Variants in SPATA13 observed in about 807,000 individuals in gnomAD.
SPATA13 encodes spermatogenesis associated 13.
SPATA13 carries 50 observed loss-of-function variants against 104.0 expected under a neutral mutation model. That is an observed-to-expected ratio of 0.48 (90% CI 0.38 to 0.61). SPATA13 has a LOEUF of 0.61. Ranked by LOEUF, SPATA13 falls within the 20% of genes least tolerant of loss-of-function variation. The pLI is 0.00. For missense variants in SPATA13, 1,524 were observed against 1,690.6 expected (o/e 0.90, Z 1.73); for synonymous variants, 606 against 667.5 (o/e 0.91, Z 1.42).
At chr13:24,137,460 T>C (rs1325616625) in intron 3 of SPATA13, among the ~76,000 whole-genome samples, 2 of 152,180 alleles carry the variant, frequency 1.3e-5, no homozygotes, top group Non-Finnish European at 2.9e-5. Context: ...GCTTACATAA[T>C]ATCAAGAAGT....
intron 1 of SPATA13, among the ~76,000 whole-genome samples, chr13:24,166,286 C>T (rs1022727964): frequency 2.6e-5 from 4 of 152,082 alleles, no homozygotes; most frequent in African/African-American, 9.7e-5. Context: ...TATGTAAAAG[C>T]AAAGCAGTGA....
intron 3 of SPATA13, among the ~76,000 whole-genome samples, chr13:24,026,890 C>G (rs748410138): frequency 2.0e-5 from 3 of 152,146 alleles, no homozygotes; most frequent in African/African-American, 7.2e-5. Context: ...GCGTGAGCCA[C>G]CACACCTGGC....
At chr13:24,217,052 A>C (rs1458837007) in intron 1 of SPATA13, among the ~76,000 whole-genome samples, 3 of 152,164 alleles carry the variant, frequency 2.0e-5, no homozygotes, top group Non-Finnish European at 2.9e-5. Context: ...ACTCTGTCTC[A>C]AAACAAAACA....
intron 3 of SPATA13, among the ~76,000 whole-genome samples, chr13:24,108,933 C>T (rs544656896): frequency 6.6e-6 from 1 of 152,138 alleles, no homozygotes; most frequent in African/African-American, 2.4e-5. Context: ...CTGCTTGTAG[C>T]CCACACTCCA....
intron 3 of SPATA13, among the ~76,000 whole-genome samples, chr13:24,024,673 A>G (rs1877126175): frequency 9.5e-6 from 1 of 105,342 alleles, no homozygotes; most frequent in Non-Finnish European, 2.1e-5. Context: ...TTTTGTTAAT[A>G]TTTGATGACA....
chr13:24,000,192 T>C (rs1254177645), intron 2 of SPATA13, among the ~76,000 whole-genome samples: 1 of 152,192 alleles, frequency 6.6e-6, no homozygotes, highest in Non-Finnish European at 1.5e-5. Flanking sequence ...GAGAAGGACA[T>C]TGTGCCCTGA....
At chr13:24,052,540 C>T (rs918070037) in intron 3 of SPATA13, among the ~76,000 whole-genome samples, 1 of 150,338 alleles carries the variant, frequency 6.7e-6, no homozygotes, top group Non-Finnish European at 1.5e-5. Context: ...ATGTTCTGGG[C>T]AGTTGTGAGG....
chr13:23,998,503 T>A (rs1875798923), intron 2 of SPATA13, among the ~76,000 whole-genome samples: 3 of 152,250 alleles, frequency 2.0e-5, no homozygotes, highest in African/African-American at 7.2e-5. Flanking sequence ...TTACAAATGT[T>A]TTCTCCCTGA....
chr13:24,100,344 T>G (rs973504422), intron 3 of SPATA13, among the ~76,000 whole-genome samples: 1 of 152,222 alleles, frequency 6.6e-6, no homozygotes, highest in African/African-American at 2.4e-5. Context: ...GGAAATACTT[T>G]CCACTTTCTC....
chr13:24,138,616 CTG>C (rs1228189934), intron 3 of SPATA13, among the ~76,000 whole-genome samples: 4 of 152,016 alleles, frequency 2.6e-5, no homozygotes, highest in African/African-American at 9.7e-5. Flanking sequence ...TGGATTTTCA[CTG>C]TGTCAGCTAG....
intron 4 of SPATA13, among the ~76,000 whole-genome samples, chr13:24,255,792 C>T (rs1198155205): frequency 6.6e-6 from 1 of 152,198 alleles, no homozygotes; most frequent in Non-Finnish European, 1.5e-5. Flanking sequence ...GTTTATATAC[C>T]AACGAAGTGC....
At chr13:24,292,787 C>T (rs369199433) in intron 9 of SPATA13, among the ~76,000 whole-genome samples, 18 of 152,060 alleles carry the variant, frequency 1.2e-4, no homozygotes, top group African/African-American at 4.3e-4. Flanking sequence ...CACATGAGGT[C>T]AGGAGTTTGA....
intron 9 of SPATA13, among the ~76,000 whole-genome samples, chr13:24,291,635 T>G (rs1265944881): frequency 6.6e-6 from 1 of 152,266 alleles, no homozygotes; most frequent in Admixed American, 6.5e-5. Flanking sequence ...CCCTTCGAGC[T>G]TCCTTGGTGC....
At chr13:24,198,475 C>G (rs1357519614) in intron 1 of SPATA13, among the ~76,000 whole-genome samples, 6 of 152,144 alleles carry the variant, frequency 3.9e-5, no homozygotes, top group Non-Finnish European at 7.3e-5. Context: ...TCTCCAAAAC[C>G]CTTTGCCATT....
chr13:24,255,596 CA>C (rs1873749886), intron 4 of SPATA13, among the ~76,000 whole-genome samples: 2 of 152,232 alleles, frequency 1.3e-5, no homozygotes, highest in Non-Finnish European at 2.9e-5. Flanking sequence ...ACCAGGTTTG[CA>C]TTGCAGTGGA....
chr13:24,287,932 A>G (rs1876078264), intron 7 of SPATA13, among the ~76,000 whole-genome samples: 1 of 152,202 alleles, frequency 6.6e-6, no homozygotes, highest in Admixed American at 6.5e-5. Context: ...AACGCTGACC[A>G]TTCAGTGCTG....
intron 2 of SPATA13, among the ~76,000 whole-genome samples, chr13:24,229,765 T>C (rs1872156762): frequency 1.3e-5 from 2 of 152,186 alleles, no homozygotes; most frequent in South Asian, 2.1e-4. Flanking sequence ...CATGAAACCA[T>C]GTCCCCAACC....
intron 3 of SPATA13, among the ~76,000 whole-genome samples, chr13:24,030,047 A>AAC (rs148818951): frequency 4.8e-5 from 7 of 144,460 alleles, no homozygotes; most frequent in African/African-American, 7.8e-5. Flanking sequence ...ACCTTCTCCT[A>AAC]ACACACACAC....
chr13:24,078,032 G>A (rs9553161), intron 3 of SPATA13, among the ~76,000 whole-genome samples: 30,631 of 151,930 alleles, frequency 0.2, 3,348 homozygotes, highest in South Asian at 0.39. Flanking sequence ...TTTGCAAACC[G>A]GTCCCAGCGT....
Sources: allele counts gnomAD v4.1 joint callset (sites outside exome capture counted in the v4.1 genomes callset), GRCh38; gene constraint gnomAD v4.1.1; transcripts MANE v1.5; gene names NCBI Gene and HGNC (gene_info 2026-07-23, HGNC 2026-07-21).